TGFA: variants seen among roughly 807,000 people sequenced by gnomAD.
TGFA encodes the protein transforming growth factor alpha.
Under a neutral mutation model 21.7 loss-of-function variants are expected in TGFA, and 12 were observed. That is an observed-to-expected ratio of 0.55 (90% CI 0.35 to 0.90). The LOEUF (loss-of-function observed/expected upper bound fraction) is 0.90, where lower values mean the gene tolerates loss of function less well. Among genes scored for constraint, TGFA ranks in the 40% least tolerant of loss-of-function variants. The probability of loss-of-function intolerance (pLI) is 0.01; values close to 1 mark genes in which losing one functional copy is unlikely to be tolerated. For missense variants in TGFA, 178 were observed against 210.8 expected (o/e 0.84, Z 0.96); for synonymous variants, 79 against 88.1 (o/e 0.90, Z 0.58).
chr2:70,474,974 G>A (rs1460488943), intron 2 of TGFA, among the ~76,000 whole-genome samples: 4 of 71,374 alleles, frequency 5.6e-5, no homozygotes, highest in Non-Finnish European at 1.1e-4. Flanking sequence ...GCAGCCGTGT[G>A]TGTGTGTGTG....
At chr2:70,484,346 G>T (rs1246625682) in intron 2 of TGFA, among the ~76,000 whole-genome samples, 1 of 152,136 alleles carries the variant, frequency 6.6e-6, no homozygotes, top group Non-Finnish European at 1.5e-5. Context: ...TGACTACTTT[G>T]TCATCAAGAT....
At chr2:70,471,364 C>T (rs1158439693) in intron 2 of TGFA, among the ~76,000 whole-genome samples, 1 of 152,132 alleles carries the variant, frequency 6.6e-6, no homozygotes, top group African/African-American at 2.4e-5. Flanking sequence ...AAGGGCAAGC[C>T]ACACTGTGAC....
intron 2 of TGFA, among the ~76,000 whole-genome samples, chr2:70,478,753 G>A (rs1178125751): frequency 1.3e-5 from 2 of 152,162 alleles, no homozygotes; most frequent in African/African-American, 4.8e-5. Context: ...GAAATAACCT[G>A]TGTTTAGAAA....
intron 1 of TGFA, among the ~76,000 whole-genome samples, chr2:70,532,578 T>C (rs1021437842): frequency 3.9e-5 from 6 of 152,208 alleles, no homozygotes; most frequent in Non-Finnish European, 8.8e-5. Flanking sequence ...TTAAAGTATA[T>C]TCAAGGGAAG....
In TGFA at chr2:70,454,264, C is replaced by T. The variant is rs139312068; in HGVS notation, c.366-937G>A. Among the ~76,000 whole-genome samples, 76 of 152,336 alleles carry T rather than the reference C, an allele frequency of 5.0e-4. 1 individual carries two copies. In the East Asian group the frequency reaches 0.012, roughly 23 times the overall value. Reference sequence around the variant, plus strand: ...CTCTTGGTATCTGGTGGGCATTTCACGATTCCCATCCCAGCCCCTGTCTTG... The same window carrying T: ...CTCTTGGTATCTGGTGGGCATTTCATGATTCCCATCCCAGCCCCTGTCTTG... On this transcript the variant is annotated intron_variant, in intron 4 of 5. Coordinates refer to ENST00000295400, the MANE Select transcript of TGFA (RefSeq NM_003236.4).
At chr2:70,506,891 CCT>C (rs1671942624) in intron 2 of TGFA, among the ~76,000 whole-genome samples, 2 of 152,320 alleles carry the variant, frequency 1.3e-5, no homozygotes, top group Non-Finnish European at 2.9e-5. Context: ...AAAGACCCAA[CCT>C]CTCTGTTGAA....
chr2:70,467,205 A>G (rs1670593152), intron 2 of TGFA, among the ~76,000 whole-genome samples: 2 of 152,222 alleles, frequency 1.3e-5, no homozygotes, highest in South Asian at 4.1e-4. Flanking sequence ...AAAAAATTAA[A>G]TAATTTTAAA....
intron 1 of TGFA, among the ~76,000 whole-genome samples, chr2:70,525,834 G>A (rs1672617116): frequency 6.6e-6 from 1 of 152,156 alleles, no homozygotes; most frequent in Non-Finnish European, 1.5e-5. Flanking sequence ...GGTGCTTTCT[G>A]ACTGTCACAA....
At chr2:70,552,517 C>A (rs1673542605) in intron 1 of TGFA, among the ~76,000 whole-genome samples, 1 of 152,176 alleles carries the variant, frequency 6.6e-6, no homozygotes, top group Non-Finnish European at 1.5e-5. Context: ...CCTCCCATAC[C>A]CATGTTACCT....
chr2:70,534,696 G>C (rs1672920051), intron 1 of TGFA, among the ~76,000 whole-genome samples: 1 of 133,874 alleles, frequency 7.5e-6, no homozygotes, highest in Non-Finnish European at 1.6e-5. Flanking sequence ...TACCATACTT[G>C]TTTTTTTATA....
rs782557486 is a variant in TGFA at position 70,449,277 on chromosome 2, G to A, written c.*1582C>T. The A allele has an allele frequency of 3.3e-5, 5 of 152,172 alleles. No individual in the cohort carries two copies. Among genetic ancestry groups the A allele is most frequent in the Non-Finnish European group, 7.3e-5 (5 of 68,036 alleles). The allele number at this position is 152,172 out of a possible 1,614,324, so 9.4% of individuals were successfully genotyped here. On this transcript the variant is annotated 3_prime_UTR_variant, in exon 6 of 6. Transcript: ENST00000295400. The stretch of plus-strand genomic sequence containing the variant: ...AGACAAAATTCTCTGAAAATTTCAA[G>A]CCAATTTAACATATTTTAAATGTAC...
At chr2:70,517,314 C>A (rs1672313912) in intron 1 of TGFA, among the ~76,000 whole-genome samples, 1 of 152,230 alleles carries the variant, frequency 6.6e-6, no homozygotes, top group South Asian at 2.1e-4. Context: ...ACTCTGCAAT[C>A]TTGATCCATG....
intron 1 of TGFA, among the ~76,000 whole-genome samples, chr2:70,550,999 A>C (rs1673484032): frequency 6.6e-6 from 1 of 152,188 alleles, no homozygotes. Flanking sequence ...GAAAACCTAC[A>C]AACTCTCCCA....
intron 1 of TGFA, among the ~76,000 whole-genome samples, chr2:70,539,303 C>T (rs1673063178): frequency 6.6e-6 from 1 of 152,052 alleles, no homozygotes; most frequent in Non-Finnish European, 1.5e-5. Context: ...ACTTCTCAAA[C>T]TTTTCCATCA....
intron 2 of TGFA, among the ~76,000 whole-genome samples, chr2:70,503,957 A>G (rs1553499622): frequency 2.0e-5 from 3 of 152,220 alleles, no homozygotes; most frequent in African/African-American, 7.2e-5. Flanking sequence ...TGTGCTTCAT[A>G]AGCCTACTGA....
intron 2 of TGFA, among the ~76,000 whole-genome samples, chr2:70,505,110 T>G (rs905604902): frequency 1.3e-5 from 2 of 152,238 alleles, no homozygotes; most frequent in Admixed American, 6.5e-5. Context: ...CTATTGTGAT[T>G]GATAAAATAC....
intron 2 of TGFA, among the ~76,000 whole-genome samples, chr2:70,503,102 C>T (rs1276270003): frequency 6.6e-6 from 1 of 152,274 alleles, no homozygotes; most frequent in East Asian, 1.9e-4. Flanking sequence ...ATAAATCATG[C>T]TGCTATAAAG....
intron 2 of TGFA, among the ~76,000 whole-genome samples, chr2:70,513,052 T>C (rs1227358837): frequency 2.6e-5 from 4 of 152,190 alleles, no homozygotes; most frequent in African/African-American, 9.7e-5. Context: ...CTACCCAATT[T>C]GGCTTAGAAG....
At position 70,465,501 on chromosome 2, in the gene TGFA, A is replaced by G. The variant is rs1033228299; in HGVS notation, c.215+115T>C. On this transcript the variant is annotated intron_variant, in intron 3 of 5. Transcript: ENST00000295400. ...CCCCACTGTTCCAATCCTCTGACAC[A>G]TCTGGCTCCAGGGGTCTCGGAGCCT... 7.4e-6 allele frequency: 10 copies of G among 1,353,228 alleles called. No homozygotes were observed. In the South Asian group the frequency reaches 1.1e-4, roughly 15 times the overall value. 83.8% of individuals were successfully genotyped at this position (1,353,228 alleles called of 1,614,324 possible). A position where few individuals can be genotyped will look rare whatever the true frequency, so the allele number is the denominator to read the frequency against.
Sources: allele counts gnomAD v4.1 joint callset (sites outside exome capture counted in the v4.1 genomes callset), GRCh38; gene constraint gnomAD v4.1.1; transcripts MANE v1.5; gene names NCBI Gene and HGNC (gene_info 2026-07-23, HGNC 2026-07-21).